SMYD3: variants seen among roughly 807,000 people sequenced by gnomAD.
SMYD3 encodes the protein SET and MYND domain containing 3.
A neutral mutation model predicts 57.7 loss-of-function variants in SMYD3; 36 were observed. The observed-to-expected ratio is 0.62, with a 90% CI of 0.48 to 0.82. The LOEUF is 0.82. Ranked by LOEUF, SMYD3 falls within the 40% of genes least tolerant of loss-of-function variation. SMYD3 has a pLI of 0.00. For missense variants in SMYD3, 515 were observed against 538.8 expected, an observed-to-expected ratio of 0.96 and a Z score of 0.44; for synonymous variants, 211 against 195.0, an observed-to-expected ratio of 1.08 and a Z score of -0.68.
At chr1:246,109,288 G>A (rs2061185745) in intron 5 of SMYD3, among the ~76,000 whole-genome samples, 1 of 152,120 alleles carries the variant, frequency 6.6e-6, no homozygotes, top group Non-Finnish European at 1.5e-5. Flanking sequence ...TACTATAATA[G>A]CCTTGGAAAC....
At chr1:245,982,890 T>C (rs183888069) in intron 5 of SMYD3, among the ~76,000 whole-genome samples, 27 of 152,352 alleles carry the variant, frequency 1.8e-4, no homozygotes, top group Admixed American at 3.3e-4. Context: ...CAAGAAACAC[T>C]TGCAAAGCGG....
intron 5 of SMYD3, among the ~76,000 whole-genome samples, chr1:245,990,944 T>C (rs895198376): frequency 1.8e-4 from 27 of 152,230 alleles, no homozygotes; most frequent in East Asian, 1.5e-3. Context: ...CAAACAGTAG[T>C]GCTGTTTAAA....
At chr1:245,773,874 G>T (rs2046433567) in intron 10 of SMYD3, among the ~76,000 whole-genome samples, 1 of 152,180 alleles carries the variant, frequency 6.6e-6, no homozygotes, top group Non-Finnish European at 1.5e-5. Context: ...GCCCTCCAAA[G>T]ATGGTCATAT....
intron 1 of SMYD3, among the ~76,000 whole-genome samples, chr1:246,444,384 A>C (rs943311892): frequency 3.9e-5 from 6 of 152,220 alleles, no homozygotes; most frequent in East Asian, 1.9e-4. Flanking sequence ...TCGGCCTCCC[A>C]AAGTGCTGGG....
chr1:245,896,920 A>T (rs1436837622), intron 8 of SMYD3, among the ~76,000 whole-genome samples: 2 of 152,142 alleles, frequency 1.3e-5, no homozygotes, highest in African/African-American at 4.8e-5. Flanking sequence ...AAAACAAAAA[A>T]ACTGTCCACT....
At chr1:246,193,104 A>G (rs1453897227) in intron 5 of SMYD3, among the ~76,000 whole-genome samples, 1 of 152,202 alleles carries the variant, frequency 6.6e-6, no homozygotes, top group African/African-American at 2.4e-5. Context: ...TGTGAAGACA[A>G]AAGTATTCCT....
intron 5 of SMYD3, among the ~76,000 whole-genome samples, chr1:246,076,840 G>A (rs563358576): frequency 6.6e-6 from 1 of 152,202 alleles, no homozygotes; most frequent in South Asian, 2.1e-4. Flanking sequence ...GCCAGGCATA[G>A]AAGAAGACGA....
intron 5 of SMYD3, among the ~76,000 whole-genome samples, chr1:246,028,868 T>G (rs1223935878): frequency 1.3e-5 from 2 of 152,196 alleles, no homozygotes; most frequent in African/African-American, 4.8e-5. Context: ...CATATGGTAC[T>G]GGTATAAAAA....
At chr1:246,390,102 C>G (rs1438554415) in intron 1 of SMYD3, among the ~76,000 whole-genome samples, 1 of 150,038 alleles carries the variant, frequency 6.7e-6, no homozygotes, top group Non-Finnish European at 1.5e-5. Flanking sequence ...CGCTATAGTC[C>G]AAGTTGGGGC....
chr1:246,348,077 T>TACACACACATACATAC (rs2065756528), intron 2 of SMYD3, among the ~76,000 whole-genome samples: 30 of 86,208 alleles, frequency 3.5e-4, no homozygotes, highest in East Asian at 1.2e-3. Context: ...TATATATATA[T>TACACACACATACATAC]ACACACACAC....
At chr1:246,373,838 T>C (rs12139786) in intron 1 of SMYD3, among the ~76,000 whole-genome samples, 81,096 of 152,024 alleles carry the variant, frequency 0.53, 22,343 homozygotes, top group Middle Eastern at 0.71. Flanking sequence ...ATCAAAACAT[T>C]ACTTGTTTGA....
At chr1:246,100,598 A>C (rs1231564848) in intron 5 of SMYD3, among the ~76,000 whole-genome samples, 3 of 152,348 alleles carry the variant, frequency 2.0e-5, no homozygotes, top group South Asian at 4.1e-4. Flanking sequence ...TTCCAAGTCC[A>C]AGCTTGTCAC....
chr1:245,782,591 T>C (rs1178369857), intron 10 of SMYD3, among the ~76,000 whole-genome samples: 1 of 152,236 alleles, frequency 6.6e-6, no homozygotes, highest in African/African-American at 2.4e-5. Context: ...TTTGCTATTT[T>C]GGCAACTTAA....
intron 5 of SMYD3, among the ~76,000 whole-genome samples, chr1:246,259,773 C>T (rs1373854110): frequency 6.6e-6 from 1 of 152,228 alleles, no homozygotes; most frequent in Non-Finnish European, 1.5e-5. Context: ...TCCCCTGATA[C>T]AGGCACAAGC....
intron 10 of SMYD3, among the ~76,000 whole-genome samples, chr1:245,766,319 G>A (rs916267812): frequency 1.4e-5 from 2 of 147,486 alleles, no homozygotes; most frequent in African/African-American, 5.0e-5. Flanking sequence ...AGAAATGCTT[G>A]AATCCAGGAG....
At chr1:245,868,002 T>C (rs555461124) in intron 8 of SMYD3, among the ~76,000 whole-genome samples, 1 of 152,258 alleles carries the variant, frequency 6.6e-6, no homozygotes, top group Non-Finnish European at 1.5e-5. Flanking sequence ...ATAGGTCTTA[T>C]TCTTCTTTGA....
chr1:245,802,119 C>A (rs1053892576), intron 10 of SMYD3, among the ~76,000 whole-genome samples: 12 of 152,180 alleles, frequency 7.9e-5, no homozygotes, highest in African/African-American at 2.9e-4. Flanking sequence ...CCAATGTATT[C>A]CACTGAGTTC....
rs112947457 is a variant in SMYD3, at chr1:245,846,701, A to C, written c.1076+11795T>G. Among the ~76,000 whole-genome samples the C allele has an allele frequency of 6.6e-3, 998 of 152,314 alleles. 11 individuals carry two copies. Among genetic ancestry groups the C allele is most frequent in the African/African-American group, 0.022 (927 of 41,566 alleles). On this transcript the variant is annotated intron_variant, in intron 10 of 11. Coordinates refer to ENST00000490107, the MANE Select transcript of SMYD3 (RefSeq NM_001167740.2). ...TTGGTCCACAGTAGCCTCTTAATAA[A>C]TAACAGCAATTACTTTTCAGTTAAA...
At chr1:246,103,083 T>G (rs1395050898) in intron 5 of SMYD3, among the ~76,000 whole-genome samples, 2 of 152,144 alleles carry the variant, frequency 1.3e-5, no homozygotes, top group African/African-American at 4.8e-5. Context: ...TATCCACAAC[T>G]CATAATACAA....
Sources: allele counts gnomAD v4.1 joint callset (sites outside exome capture counted in the v4.1 genomes callset), GRCh38; gene constraint gnomAD v4.1.1; transcripts MANE v1.5; gene names NCBI Gene and HGNC (gene_info 2026-07-23, HGNC 2026-07-21).